Variants in RAI1 observed in about 807,000 individuals in gnomAD.
The protein encoded by RAI1 is retinoic acid induced 1, also known as retinoic acid-induced protein 1.
A neutral mutation model predicts 123.8 loss-of-function variants in RAI1; 9 were observed. The ratio of observed to expected loss-of-function variants is 0.07; its 90% CI spans 0.04 to 0.13. The LOEUF (loss-of-function observed/expected upper bound fraction) is 0.13, where lower values mean the gene tolerates loss of function less well. Among genes scored for constraint, RAI1 ranks in the 10% least tolerant of loss-of-function variants. RAI1 has a pLI of 1.00. For synonymous variants in RAI1, 1,231 were observed against 1,127.3 expected, an observed-to-expected ratio of 1.09 and a Z score of -1.84; for missense variants, 2,256 against 2,545.8, an observed-to-expected ratio of 0.89 and a Z score of 2.45.
chr17:17,741,128 C>T (rs1429433238), intron 2 of RAI1, among the ~76,000 whole-genome samples: 5 of 152,082 alleles, frequency 3.3e-5, no homozygotes, highest in Non-Finnish European at 5.9e-5. Flanking sequence ...CACGCACACA[C>T]GCACGCTCAC....
rs1328532074 is a variant in RAI1 at position 17,795,497 on chromosome 17, T to G, written c.2549T>G (p.Phe850Cys). 1.3e-6 allele frequency: 2 copies of G among 1,587,752 alleles called. No individual in the cohort carries two copies. Among genetic ancestry groups the G allele is most frequent in the Non-Finnish European group, 1.7e-6 (2 of 1,167,160 alleles). ...CGGCACTGCTGTTCCACCGCCGACTTCGGGGACCTCCCACTGCTGCCACCC... is the reference window on the plus strand; with the variant it reads ...CGGCACTGCTGTTCCACCGCCGACTGCGGGGACCTCCCACTGCTGCCACCC... ...DSRHCCSTADFGDLPLLPPTS... is the reference protein window; with the variant it reads ...DSRHCCSTADCGDLPLLPPTS... The change falls in exon 3 of 6, where the codon TTC becomes TGC. Residue 850 changes from phenylalanine (F) to cysteine (C), a missense_variant. Transcript: ENST00000353383. This position sits in a 1 kb window ranked among gnomAD's most constrained non-coding sequence, Gnocchi z 5.9.
In RAI1 at chr17:17,810,696, C is replaced by T. The variant is rs545442390; in HGVS notation, c.*715C>T. 7 of 400,258 alleles carry T rather than the reference C, an allele frequency of 1.7e-5. No homozygotes were observed. The highest frequency in any genetic ancestry group is 1.2e-4 in the South Asian group (7 of 58,370). 24.8% of individuals were successfully genotyped at this position (400,258 alleles called of 1,614,324 possible). On this transcript the variant is annotated 3_prime_UTR_variant, in exon 6 of 6. Coordinates refer to ENST00000353383, the MANE Select transcript of RAI1 (RefSeq NM_030665.4). This position sits in a 1 kb window ranked among gnomAD's most constrained non-coding sequence, Gnocchi z 4.6. ...GCGGGATCCCCGAGTGTGGGCGGGA[C>T]TGGGACACCCTTTGGCCTCTGTTTG...
chr17:17,702,856 G>A (rs1050948291), intron 1 of RAI1, among the ~76,000 whole-genome samples: 2 of 152,202 alleles, frequency 1.3e-5, no homozygotes, highest in African/African-American at 2.4e-5. Flanking sequence ...ACTCATCTCC[G>A]AGGTGGCAAA....
At position 17,735,084 on chromosome 17, in the gene RAI1, GCT is replaced by G. The variant is rs534207969; in HGVS notation, c.-17+10928_-17+10929del. Among the ~76,000 whole-genome samples the G allele has an allele frequency of 1.7e-4, 25 of 150,996 alleles. No individual in the cohort carries two copies. In the East Asian group the frequency reaches 3.7e-3, roughly 22 times the overall value. ...TTTTTTTTTTTCGAGACGGAGTCTT[GCT>G]CTGTTGCCTAAGCTGGAGTGCAATG... On this transcript the variant is annotated intron_variant, in intron 2 of 5. Transcript: ENST00000353383.
In RAI1 at chr17:17,797,423, C is replaced by T; in HGVS notation, c.4475C>T (p.Ser1492Phe). 6.2e-7 allele frequency: 1 copy of T among 1,613,200 alleles called. No individual in the cohort carries two copies. Among genetic ancestry groups the T allele is most frequent in the South Asian group, 1.1e-5 (1 of 91,078 alleles). Residue 1492 changes from serine to phenylalanine, a missense_variant, in exon 3 of 6, where the codon TCT (serine) becomes TTT (phenylalanine). By Grantham distance (155) the Ser-to-Phe change is radical. This residue lies in a region of RAI1 where 410 missense variants were observed against 374.6 expected (regional missense o/e 1.09). Coordinates refer to ENST00000353383, the MANE Select transcript of RAI1 (RefSeq NM_030665.4). ...SGTQGASEDN[S>F]GGGGKKPKME... ...ACACAAGGGGCCAGTGAGGACAACT[C>T]TGGTGGAGGAGGCAAGAAGCCAAAG...
intron 1 of RAI1, among the ~76,000 whole-genome samples, chr17:17,682,128 C>T (rs1914444043): frequency 7.1e-6 from 1 of 141,792 alleles, no homozygotes; most frequent in African/African-American, 2.7e-5. Context: ...TGCGCCGAGG[C>T]GCGGAGTCTT....
In RAI1 at chr17:17,797,170, T is replaced by G. The variant is rs2032289429; in HGVS notation, c.4222T>G (p.Leu1408Val). 2 of 1,613,844 alleles carry G rather than the reference T, an allele frequency of 1.2e-6. No homozygotes were observed. Among genetic ancestry groups the G allele is most frequent in the African/African-American group, 2.7e-5 (2 of 74,936 alleles). The change falls in exon 3 of 6, where the codon TTA (leucine) becomes GTA (valine). Residue 1408 changes from leucine to valine, a missense_variant. Physicochemically the swap from Leu to Val is conservative, Grantham distance 32. Around this residue, in one of 7 missense-constraint regions of RAI1, gnomAD observed 410 missense variants for 374.6 expected, o/e 1.09. Transcript: ENST00000353383. ...PLCRNPTNRS[L>V]KGKLMNSKKL... The stretch of plus-strand genomic sequence containing the variant: ...ATGCAGAAATCCAACCAACAGATCC[T>G]TAAAAGGCAAACTCATGAACAGTAA...
intron 2 of RAI1, among the ~76,000 whole-genome samples, chr17:17,768,286 G>T (rs533532186): frequency 9.2e-5 from 14 of 152,300 alleles, no homozygotes; most frequent in Middle Eastern, 3.4e-3. Context: ...GCCTGTGCTT[G>T]GTGCATGCTG....
At position 17,809,979 on chromosome 17, in the gene RAI1, T is replaced by TA. The variant is rs1725706633; in HGVS notation, c.5720dup (p.Ter1907=). 1 of 1,551,658 alleles carries TA rather than the reference T, an allele frequency of 6.4e-7. No homozygotes were observed. Among genetic ancestry groups the TA allele is most frequent in the African/African-American group, 1.4e-5 (1 of 73,056 alleles). Residue 1907 remains the stop codon, a frameshift_variant and stop_retained_variant, in exon 6 of 6, where the codon TAG becomes TAAG. Coordinates refer to ENST00000353383, the MANE Select transcript of RAI1 (RefSeq NM_030665.4). LOFTEE classifies it high-confidence loss of function. The surrounding 1 kb of genome is among the most constrained non-coding windows in gnomAD (Gnocchi z 4.9). ...CGGGCGTCTTTTGCAGAGGCTGCCG[T>TA]AGTAATCCACCCCAACGGCCGGAGG... The part of the protein sequence containing the change: ...LKCPKHKRLP[*]
At chr17:17,709,416 C>T (rs570795060) in intron 1 of RAI1, among the ~76,000 whole-genome samples, 6 of 152,244 alleles carry the variant, frequency 3.9e-5, no homozygotes, top group South Asian at 2.1e-4. Flanking sequence ...ACTCCTACCC[C>T]GACTCTCTTC....
Position 17,796,625 on chromosome 17 carries a change from C to T in RAI1, c.3677C>T (p.Ser1226Leu), listed in dbSNP as rs781496768. 10 of 1,612,100 alleles carry T rather than the reference C, an allele frequency of 6.2e-6. No homozygotes were observed. The highest frequency in any genetic ancestry group is 4.4e-5 in the South Asian group (4 of 91,068). ...DRPLHALKRK[S>L]AFMAPVPTKK... Reference sequence around the variant, plus strand: ...CCCCTCCATGCGCTCAAAAGGAAGTCGGCCTTCATGGCGCCGGTCCCCACC... The same window carrying T: ...CCCCTCCATGCGCTCAAAAGGAAGTTGGCCTTCATGGCGCCGGTCCCCACC... The change falls in exon 3 of 6, where the codon TCG becomes TTG. Residue 1226 changes from serine to leucine, a missense_variant. By Grantham distance (145) the Ser-to-Leu change is moderately radical (BLOSUM62 -2). Coordinates refer to ENST00000353383, the MANE Select transcript of RAI1 (RefSeq NM_030665.4). The surrounding 1 kb of genome is among the most constrained non-coding windows in gnomAD (Gnocchi z 5.8).
intron 2 of RAI1, among the ~76,000 whole-genome samples, chr17:17,788,949 G>A (rs771299270): frequency 1.3e-4 from 20 of 152,232 alleles, no homozygotes; most frequent in Non-Finnish European, 2.5e-4. Flanking sequence ...TTGCCTTGGT[G>A]ACAGTGGGTG....
chr17:17,764,571 C>G (rs2030844395), intron 2 of RAI1, among the ~76,000 whole-genome samples: 4 of 151,242 alleles, frequency 2.6e-5, no homozygotes, highest in Admixed American at 2.6e-4. Flanking sequence ...CTCCCGAGTT[C>G]AAGCAATTCT....
Position 17,796,581 on chromosome 17 carries a change from C to G in RAI1, c.3633C>G (p.Gly1211=), listed in dbSNP as rs774343034. The G allele has an allele frequency of 6.2e-7, 1 of 1,611,668 alleles. No homozygotes were observed. Among genetic ancestry groups the G allele is most frequent in the South Asian group, 1.1e-5 (1 of 91,086 alleles). Residue 1211 remains glycine, a synonymous_variant, in exon 3 of 6, where the codon GGC becomes GGG. Coordinates refer to ENST00000353383, the MANE Select transcript of RAI1 (RefSeq NM_030665.4). This position sits in a 1 kb window ranked among gnomAD's most constrained non-coding sequence, Gnocchi z 5.8. Reference sequence around the variant, plus strand: ...CAAGGGTCCCCAAACCTGGTGCAGGCAGCAAGCTCTCTGACCGGCCCCTCC... The same window carrying G: ...CAAGGGTCCCCAAACCTGGTGCAGGGAGCAAGCTCTCTGACCGGCCCCTCC... The part of the protein sequence containing the change: ...QRARVPKPGA[G]SKLSDRPLHA...
At chr17:17,804,064 G>C in intron 4 of RAI1, 1 of 669,942 alleles carries the variant, frequency 1.5e-6, no homozygotes, top group South Asian at 1.6e-5. Context: ...GCACCTGCTT[G>C]AGGAGTGCCC....
At chr17:17,784,562 A>G (rs995619543) in intron 2 of RAI1, among the ~76,000 whole-genome samples, 3 of 152,206 alleles carry the variant, frequency 2.0e-5, no homozygotes, top group African/African-American at 7.2e-5. Context: ...GTGCTCTGCA[A>G]AAAGTGTCTT....
intron 2 of RAI1, among the ~76,000 whole-genome samples, chr17:17,746,595 A>G (rs2029930831): frequency 6.6e-6 from 1 of 150,854 alleles, no homozygotes; most frequent in Non-Finnish European, 1.5e-5. Context: ...CGCCTGTCCC[A>G]GAGCACCATA....
chr17:17,722,259 G>T (rs894404415), intron 1 of RAI1, among the ~76,000 whole-genome samples: 1 of 152,160 alleles, frequency 6.6e-6, no homozygotes, highest in African/African-American at 2.4e-5. Flanking sequence ...ATGCAGCGAC[G>T]GATGGATGGA....
chr17:17,761,997 C>A (rs565990114), intron 2 of RAI1, among the ~76,000 whole-genome samples: 1 of 152,196 alleles, frequency 6.6e-6, no homozygotes, highest in Admixed American at 6.5e-5. Context: ...AGTGTGAGCG[C>A]GGCCCAGAAA....
Sources: gnomAD v4.1 joint callset for allele counts (sites outside exome capture counted in the v4.1 genomes callset) on GRCh38, gnomAD v4.1.1 for gene constraint, gnomAD v4.1.1 regional missense constraint, Gnocchi (gnomAD v3.1) non-coding constraint, MANE v1.5 for transcripts, NCBI Gene and HGNC (gene_info 2026-07-23, HGNC 2026-07-21) for gene names.